SLC9A7: variants seen among roughly 807,000 people sequenced by gnomAD.
SLC9A7 encodes the protein solute carrier family 9 member A7.
In SLC9A7, 19 loss-of-function variants were observed where a neutral mutation model predicts 52.6. That is an observed-to-expected ratio of 0.36 (90% CI 0.25 to 0.53). The LOEUF is 0.53. Among genes scored for constraint, SLC9A7 ranks in the 20% least tolerant of loss-of-function variants. The pLI is 0.91. For missense variants in SLC9A7, 455 were observed against 597.9 expected, an observed-to-expected ratio of 0.76 and a Z score of 2.49; for synonymous variants, 226 against 252.1, an observed-to-expected ratio of 0.90 and a Z score of 0.98.
chrX:46,633,097 T>C (rs766843159), intron 13 of SLC9A7, among the ~76,000 whole-genome samples: 5 of 106,884 alleles, frequency 4.7e-5, no homozygotes, highest in African/African-American at 6.8e-5. Context: ...GCCAGGAAAA[T>C]CCTATATCTG....
intron 16 of SLC9A7, 34 bp from the exon 17 acceptor site, chrX:46,607,237 G>A: frequency 1.7e-6 from 2 of 1,193,936 alleles, no homozygotes; most frequent in Non-Finnish European, 2.3e-6. Context: ...CAACAAAAAT[G>A]AGAGACTGAT....
chrX:46,615,804 C>T (rs912709973), intron 15 of SLC9A7, among the ~76,000 whole-genome samples: 10 of 110,073 alleles, frequency 9.1e-5, no homozygotes, highest in African/African-American at 3.3e-4. Flanking sequence ...TAATACACTT[C>T]TCCCCCATTT....
chrX:46,681,029 G>A (rs1216966745), intron 2 of SLC9A7, among the ~76,000 whole-genome samples: 1 of 111,908 alleles, frequency 8.9e-6, no homozygotes. Context: ...CTAGCACAAG[G>A]GTTTTCTGAC....
At position 46,662,042 on chromosome X, in the gene SLC9A7, C is replaced by T; in HGVS notation, c.1015G>A (p.Ala339Thr). Residue 339 changes from alanine (A) to threonine (T), a missense_variant, in exon 7 of 17, where the codon GCT becomes ACT. Ala to Thr is a moderately conservative substitution (Grantham distance 58, BLOSUM62 0). Around this residue, in one of 3 missense-constraint regions of SLC9A7, gnomAD observed 304 missense variants for 417.8 expected, o/e 0.73. Coordinates refer to ENST00000616978, the MANE Select transcript of SLC9A7 (RefSeq NM_001257291.2). The stretch of plus-strand genomic sequence containing the variant: ...AGAGCAGTCACAACACCAGTCACAG[C>T]TCCCATGGTAAAAGAGCCACTAAAT... Reference protein sequence around the residue: ...GIFSGSFTMGAVTGVVTALVT... With the variant: ...GIFSGSFTMGTVTGVVTALVT... 1.7e-6 allele frequency: 2 copies of T among 1,199,787 alleles called. No individual in the cohort carries two copies. Among genetic ancestry groups the T allele is most frequent in the Non-Finnish European group, 2.2e-6 (2 of 889,183 alleles).
At chrX:46,739,448 ATC>A (rs531899878) in intron 1 of SLC9A7, among the ~76,000 whole-genome samples, 171 of 103,295 alleles carry the variant, frequency 1.7e-3, no homozygotes, top group Admixed American at 2.4e-3. Flanking sequence ...GACTCCTATC[ATC>A]TCTCTCTCTC....
At chrX:46,733,897 C>T (rs181015720) in intron 1 of SLC9A7, among the ~76,000 whole-genome samples, 42 of 111,345 alleles carry the variant, frequency 3.8e-4, no homozygotes, top group East Asian at 2.8e-4. Context: ...TCCAACCATA[C>T]GAATACTTAC....
At chrX:46,696,547 TCTTCCTTC>T (rs1311912663) in intron 1 of SLC9A7, among the ~76,000 whole-genome samples, 1 of 111,730 alleles carries the variant, frequency 9.0e-6, no homozygotes, top group African/African-American at 3.3e-5. Context: ...ATCACTGTTT[TCTTCCTTC>T]CTTCCTTATT....
At chrX:46,715,786 C>CT (rs1944760174) in intron 1 of SLC9A7, among the ~76,000 whole-genome samples, 3 of 111,830 alleles carry the variant, frequency 2.7e-5, no homozygotes, top group Admixed American at 9.5e-5. Flanking sequence ...CTATTCAACA[C>CT]TTTATTATGA....
At chrX:46,633,369 A>C (rs938679513) in intron 13 of SLC9A7, among the ~76,000 whole-genome samples, 43 of 98,197 alleles carry the variant, frequency 4.4e-4, no homozygotes, top group African/African-American at 1.5e-3. Context: ...AAAAAAAAAA[A>C]AAAAAAAAAA....
intron 16 of SLC9A7, among the ~76,000 whole-genome samples, chrX:46,608,398 C>T (rs1474619689): frequency 8.9e-6 from 1 of 112,659 alleles, no homozygotes; most frequent in Non-Finnish European, 1.9e-5. Context: ...ACACAGTCTA[C>T]ACTGTGACTC....
At chrX:46,732,253 C>T (rs1165458265) in intron 1 of SLC9A7, among the ~76,000 whole-genome samples, 1 of 106,581 alleles carries the variant, frequency 9.4e-6, no homozygotes, top group Non-Finnish European at 1.9e-5. Context: ...CTCATACTTA[C>T]AAAAATCCAA....
In SLC9A7 at chrX:46,667,562, C is replaced by T. The variant is rs181752014; in HGVS notation, c.793+2045G>A. 2.6e-3 allele frequency among the ~76,000 whole-genome samples: 290 copies of T among 111,825 alleles called. 3 individuals are homozygous for T. Among genetic ancestry groups the T allele is most frequent in the African/African-American group, 9.0e-3 (277 of 30,785 alleles). ...CTACATTTCAAGTGCTCAAAAGCCACATGTGGCTACTGGTTACCACAATGG... is the reference window on the plus strand; with the variant it reads ...CTACATTTCAAGTGCTCAAAAGCCATATGTGGCTACTGGTTACCACAATGG... On this transcript the variant is annotated intron_variant, in intron 5 of 16. Coordinates refer to ENST00000616978, the MANE Select transcript of SLC9A7 (RefSeq NM_001257291.2).
chrX:46,645,632 T>C (rs1417741408), intron 11 of SLC9A7, among the ~76,000 whole-genome samples: 1 of 107,650 alleles, frequency 9.3e-6, no homozygotes. Context: ...TTTTTTTTTT[T>C]TTTTTGCATA....
At chrX:46,627,787 G>A (rs1411224346) in intron 14 of SLC9A7, among the ~76,000 whole-genome samples, 3 of 107,714 alleles carry the variant, frequency 2.8e-5, no homozygotes, top group Non-Finnish European at 5.8e-5. Context: ...TTGGGGGGGG[G>A]GCGGTGGTCA....
rs1484691245 is a variant in SLC9A7 at position 46,751,165 on chromosome X, T to A, written c.325+7540A>T. Among the ~76,000 whole-genome samples the A allele has an allele frequency of 8.1e-5, 9 of 111,375 alleles. 1 individual carries two copies. The highest frequency in any genetic ancestry group is 2.9e-4 in the African/African-American group (9 of 30,595). On this transcript the variant is annotated intron_variant, in intron 1 of 16. Transcript: ENST00000616978. Reference sequence around the variant, plus strand: ...TATGATCTTCATTTCCTTGCTTCATTCATCAACTGGAGGAGGAGGATTCCA... The same window carrying A: ...TATGATCTTCATTTCCTTGCTTCATACATCAACTGGAGGAGGAGGATTCCA...
intron 1 of SLC9A7, among the ~76,000 whole-genome samples, chrX:46,741,166 C>T (rs1029881119): frequency 8.9e-6 from 1 of 111,779 alleles, no homozygotes; most frequent in African/African-American, 3.2e-5. Flanking sequence ...ATATAATGAT[C>T]ATGGATCAGA....
chrX:46,745,141 G>A (rs1395654247), intron 1 of SLC9A7, among the ~76,000 whole-genome samples: 1 of 111,827 alleles, frequency 8.9e-6, no homozygotes, highest in Non-Finnish European at 1.9e-5. Context: ...TGGCAGGAAG[G>A]CTGTGTGGCA....
chrX:46,645,964 T>G (rs1455603711), intron 11 of SLC9A7, among the ~76,000 whole-genome samples: 1 of 112,680 alleles, frequency 8.9e-6, no homozygotes, highest in Non-Finnish European at 1.9e-5. Flanking sequence ...GACTTTTGTT[T>G]TGTATTATTT....
At chrX:46,751,854 C>T (rs1046822581) in intron 1 of SLC9A7, among the ~76,000 whole-genome samples, 2 of 111,530 alleles carry the variant, frequency 1.8e-5, no homozygotes, top group African/African-American at 6.5e-5. Context: ...GTCACGTAAG[C>T]CTAACTTCAC....
Sources: allele counts gnomAD v4.1 joint callset (sites outside exome capture counted in the v4.1 genomes callset), GRCh38; gene constraint gnomAD v4.1.1; regional missense constraint gnomAD v4.1.1; transcripts MANE v1.5; gene names NCBI Gene and HGNC (gene_info 2026-07-23, HGNC 2026-07-21).